The following MAP3K20 variants were observed in gnomAD, a reference collection of about 807,000 sequenced individuals.
MAP3K20 encodes the protein HCCS-4.
Under a neutral mutation model 85.7 loss-of-function variants are expected in MAP3K20, and 40 were observed. The ratio of observed to expected loss-of-function variants is 0.47; its 90% CI spans 0.36 to 0.61. The LOEUF (loss-of-function observed/expected upper bound fraction) is 0.61. Ranked by LOEUF, MAP3K20 falls within the 20% of genes least tolerant of loss-of-function variation. MAP3K20 has a pLI of 0.00. For synonymous variants in MAP3K20, 325 were observed against 327.7 expected, an observed-to-expected ratio of 0.99 and a Z score of 0.09; for missense variants, 817 against 961.7, an observed-to-expected ratio of 0.85 and a Z score of 1.99.
intron 2 of MAP3K20, among the ~76,000 whole-genome samples, chr2:173,155,638 A>C (rs1034396073): frequency 1.3e-5 from 2 of 152,246 alleles, no homozygotes; most frequent in African/African-American, 4.8e-5. Context: ...AGAAAAGCTT[A>C]TCTGAAAGTA....
chr2:173,252,576 G>A (rs796587949), intron 16 of MAP3K20, among the ~76,000 whole-genome samples: 4 of 152,322 alleles, frequency 2.6e-5, no homozygotes, highest in African/African-American at 9.6e-5. Context: ...TTTGCATTGA[G>A]AGGCAGATTT....
chr2:173,222,524 G>T, intron 11 of MAP3K20: 1 of 985,808 alleles, frequency 1.0e-6, no homozygotes, highest in Admixed American at 6.1e-5. Context: ...GTCTTAAGGG[G>T]ATGCTTCCAG....
rs779273174 is a variant in MAP3K20, at chr2:173,266,278, C to G, written c.1931C>G (p.Thr644Ser). 6.2e-7 allele frequency: 1 copy of G among 1,613,960 alleles called. No homozygotes were observed. Residue 644 changes from threonine to serine, a missense_variant, in exon 20 of 20, where the codon ACC becomes AGC. Thr to Ser is a moderately conservative substitution (Grantham distance 58). This residue lies in a region of MAP3K20 where 454 missense variants were observed against 476.9 expected (regional missense o/e 0.95). Coordinates refer to ENST00000375213, the MANE Select transcript of MAP3K20 (RefSeq NM_016653.3). ...TCGTCTCCTACTCAGTATGGACTGA[C>G]CAAAAACTTCTCTTCCCTACATCTC... is the stretch of plus-strand genomic sequence containing the variant. ...RSSSPTQYGL[T>S]KNFSSLHLNS... is the part of the protein sequence containing the mutation.
intron 17 of MAP3K20, 33 bp from the exon 18 acceptor site, chr2:173,261,030 T>C (rs768125760): frequency 1.2e-6 from 2 of 1,603,082 alleles, no homozygotes; most frequent in East Asian, 2.2e-5. Context: ...GACTGTGTTA[T>C]GGTACTACAC....
At chr2:173,194,119 CTG>C (rs1043909840) in intron 7 of MAP3K20, among the ~76,000 whole-genome samples, 4 of 152,274 alleles carry the variant, frequency 2.6e-5, no homozygotes, top group Admixed American at 2.6e-4. Flanking sequence ...ACAGCTTCTG[CTG>C]TGTGAGTCTT....
chr2:173,181,251 A>G (rs959021800), intron 3 of MAP3K20, among the ~76,000 whole-genome samples: 1 of 152,096 alleles, frequency 6.6e-6, no homozygotes. Context: ...GCACAGTCAC[A>G]TGCACCTGTA....
chr2:173,213,684 A>G (rs1683981338), intron 10 of MAP3K20, among the ~76,000 whole-genome samples: 1 of 152,218 alleles, frequency 6.6e-6, no homozygotes, highest in Non-Finnish European at 1.5e-5. Context: ...CTGGTAGCAC[A>G]GGCCTGCCCT....
chr2:173,155,542 T>C (rs1302261796), intron 2 of MAP3K20, among the ~76,000 whole-genome samples: 1 of 152,230 alleles, frequency 6.6e-6, no homozygotes, highest in Non-Finnish European at 1.5e-5. Context: ...CTGGAGATAC[T>C]CAAAATGATT....
At chr2:173,223,624 GCT>G in intron 11 of MAP3K20, 1 of 985,336 alleles carries the variant, frequency 1.0e-6, no homozygotes, top group Non-Finnish European at 1.2e-6. Flanking sequence ...TTTTTCTGTT[GCT>G]CTTTGAAAAC....
intron 2 of MAP3K20, among the ~76,000 whole-genome samples, chr2:173,115,860 C>T (rs78559861): frequency 0.069 from 10,492 of 152,072 alleles, 530 homozygotes; most frequent in African/African-American, 0.13. Flanking sequence ...AGCTTTGGTC[C>T]GTGCTTTGCT....
intron 2 of MAP3K20, among the ~76,000 whole-genome samples, chr2:173,107,863 TAGGGCTATGATTTC>T (rs1687828071): frequency 1.3e-5 from 2 of 152,184 alleles, no homozygotes; most frequent in Non-Finnish European, 2.9e-5. Context: ...CTGTGGCGGT[TAGGGCTATGATTTC>T]AGCAGCAGAC....
At chr2:173,222,965 T>TA (rs1292060040) in intron 11 of MAP3K20, 21 of 985,326 alleles carry the variant, frequency 2.1e-5, no homozygotes, top group Non-Finnish European at 2.5e-5. Context: ...ATTTGACTGT[T>TA]AAACCAAAAT....
chr2:173,160,889 C>G (rs1353806775), intron 2 of MAP3K20, among the ~76,000 whole-genome samples: 1 of 152,110 alleles, frequency 6.6e-6, no homozygotes, highest in Non-Finnish European at 1.5e-5. Flanking sequence ...TACCAGGGGT[C>G]CATCTGTCAG....
chr2:173,172,981 A>G (rs1690044179), intron 3 of MAP3K20, among the ~76,000 whole-genome samples: 1 of 151,982 alleles, frequency 6.6e-6, no homozygotes, highest in Admixed American at 6.6e-5. Flanking sequence ...TATTTTTAGT[A>G]GAGACGGGGT....
chr2:173,094,135 A>C (rs945664319), intron 2 of MAP3K20, among the ~76,000 whole-genome samples: 6 of 152,208 alleles, frequency 3.9e-5, no homozygotes, highest in African/African-American at 1.4e-4. Flanking sequence ...AACTTAAAGT[A>C]TAATAAAAAA....
At chr2:173,197,452 T>TTATTTTCCGCAAAA (rs1197463102) in intron 7 of MAP3K20, among the ~76,000 whole-genome samples, 1 of 152,204 alleles carries the variant, frequency 6.6e-6, no homozygotes, top group Non-Finnish European at 1.5e-5. Context: ...AATAGATCCC[T>TTATTTTCCGCAAAA]TAGACCGACT....
chr2:173,221,547 A>G (rs1452506013), intron 11 of MAP3K20: 16 of 1,496,464 alleles, frequency 1.1e-5, no homozygotes, highest in Non-Finnish European at 1.3e-5. Context: ...AAAGCAAAGT[A>G]ATAAAATCAC....
intron 2 of MAP3K20, among the ~76,000 whole-genome samples, chr2:173,169,416 A>C (rs1689936149): frequency 6.6e-6 from 1 of 152,156 alleles, no homozygotes; most frequent in Non-Finnish European, 1.5e-5. Flanking sequence ...ATACCTTTGT[A>C]AATGTACATA....
At chr2:173,179,702 G>GCACACACACA (rs1491499756) in intron 3 of MAP3K20, among the ~76,000 whole-genome samples, 47 of 76,158 alleles carry the variant, frequency 6.2e-4, no homozygotes, top group African/African-American at 2.1e-3. Flanking sequence ...CCTAAGGAAT[G>GCACACACACA]CGCACACACA....
Sources: allele counts gnomAD v4.1 joint callset (sites outside exome capture counted in the v4.1 genomes callset), GRCh38; gene constraint gnomAD v4.1.1; regional missense constraint gnomAD v4.1.1; transcripts MANE v1.5; gene names NCBI Gene and HGNC (gene_info 2026-07-23, HGNC 2026-07-21).